The following RNF8 variants were observed in gnomAD, a reference collection of about 807,000 sequenced individuals.
The protein encoded by RNF8 is E3 ubiquitin-protein ligase RNF8.
In RNF8, 8 loss-of-function variants were observed where a neutral mutation model predicts 59.3. The ratio of observed to expected loss-of-function variants is 0.13; its 90% CI spans 0.08 to 0.24. The LOEUF is 0.24. RNF8 is among the 10% of genes least tolerant of loss of function. The probability of loss-of-function intolerance (pLI) is 1.00; values close to 1 mark genes in which losing one functional copy is unlikely to be tolerated. For missense variants in RNF8, 406 were observed against 572.6 expected, an observed-to-expected ratio of 0.71 and a Z score of 2.97; for synonymous variants, 162 against 200.0, an observed-to-expected ratio of 0.81 and a Z score of 1.60.
rs1173808186 is a variant in RNF8 at position 37,368,594 on chromosome 6, T to G, written c.351T>G (p.Asn117Lys). 6.2e-7 allele frequency: 1 copy of G among 1,614,056 alleles called. No individual in the cohort carries two copies. Among genetic ancestry groups the G allele is most frequent in the Non-Finnish European group, 8.5e-7 (1 of 1,180,004 alleles). Residue 117 changes from asparagine (N) to lysine (K), a missense_variant, in exon 3 of 8, where the codon AAT becomes AAG. Coordinates refer to ENST00000373479, the MANE Select transcript of RNF8 (RefSeq NM_003958.4). ...QLGVPLENKE[N>K]AEYEYEVTEE... ...GAGTGCCTCTGGAAAATAAGGAGAA[T>G]GCGGAGTATGAATATGAAGTTACTG...
intron 3 of RNF8, among the ~76,000 whole-genome samples, chr6:37,370,701 C>CTT (rs5875582): frequency 0.016 from 2,331 of 142,236 alleles, 64 homozygotes; most frequent in African/African-American, 0.055. Flanking sequence ...CTCCTTCACA[C>CTT]TTTTTTTTTT....
intron 3 of RNF8, among the ~76,000 whole-genome samples, chr6:37,369,495 G>A (rs957075278): frequency 6.6e-6 from 1 of 152,238 alleles, no homozygotes; most frequent in Non-Finnish European, 1.5e-5. Context: ...CATCCCAGGA[G>A]GCAAAGCTGA....
rs934373051 is a variant in RNF8 at position 37,392,447 on chromosome 6, A to C, written c.*1689A>C. On this transcript the variant is annotated 3_prime_UTR_variant, in exon 8 of 8. Transcript: ENST00000373479. ...GAAATGCCTCTCACCCTTTCCCCAC[A>C]GCGACTACTTCCCACTCAGAGGCAA... is the stretch of plus-strand genomic sequence containing the variant. 7 of 398,624 alleles carry C rather than the reference A, an allele frequency of 1.8e-5. No homozygotes were observed. The highest frequency in any genetic ancestry group is 3.1e-5 in the Non-Finnish European group (7 of 226,060). 24.7% of individuals were successfully genotyped at this position (398,624 alleles called of 1,614,324 possible).
At position 37,354,006 on chromosome 6, in the gene RNF8, AGGGC is replaced by A. The variant is rs1769009298; in HGVS notation, c.-153_-150del. ...GCGTAGTGCTCCTGCTTCCTGGCCG[AGGGC>A]GGGCGAGCGGAGCCTGCTTTCGCAG... On this transcript the variant is annotated 5_prime_UTR_variant, in exon 1 of 8. Coordinates refer to ENST00000373479, the MANE Select transcript of RNF8 (RefSeq NM_003958.4). 3 of 675,834 alleles carry A rather than the reference AGGGC, an allele frequency of 4.4e-6. No homozygotes were observed. In the East Asian group the frequency reaches 8.6e-5, roughly 19 times the overall value. The allele number at this position is 675,834 out of a possible 1,614,324, so 41.9% of individuals were successfully genotyped here.
chr6:37,389,327 T>C (rs1581702757), intron 7 of RNF8, among the ~76,000 whole-genome samples: 1 of 151,448 alleles, frequency 6.6e-6, no homozygotes, highest in South Asian at 2.1e-4. Flanking sequence ...TTGTGGGGGA[T>C]GGTGGAGTCA....
At chr6:37,378,207 T>G (rs1004987612) in intron 6 of RNF8, among the ~76,000 whole-genome samples, 1 of 151,886 alleles carries the variant, frequency 6.6e-6, no homozygotes. Flanking sequence ...GGCAGGAGAA[T>G]CACTTCAATT....
chr6:37,354,097 C>T lies in RNF8; in HGVS notation c.-68C>T. On this transcript the variant is annotated 5_prime_UTR_variant, in exon 1 of 8. Coordinates refer to ENST00000373479, the MANE Select transcript of RNF8 (RefSeq NM_003958.4). The stretch of plus-strand genomic sequence containing the variant: ...TTTAGATATGGAAGCTGAGGGGATG[C>T]ACAGAGGCAGCCAGAACCTAGGTCA... 1 of 1,289,038 alleles carries T rather than the reference C, an allele frequency of 7.8e-7. No individual in the cohort carries two copies. The highest frequency in any genetic ancestry group is 2.0e-4 in the Middle Eastern group (1 of 5,036). 79.9% of individuals were successfully genotyped at this position (1,289,038 alleles called of 1,614,324 possible).
At chr6:37,363,457 A>G (rs1769408255) in intron 2 of RNF8, among the ~76,000 whole-genome samples, 1 of 152,232 alleles carries the variant, frequency 6.6e-6, no homozygotes, top group Non-Finnish European at 1.5e-5. Context: ...GATATGCCCT[A>G]TTTAAAAATG....
rs778562882 is a variant in RNF8 at position 37,360,625 on chromosome 6, T to C, written c.240+51T>C. 4.5e-4 allele frequency: 457 copies of C among 1,011,716 alleles called. 2 individuals are homozygous for C. In the African/African-American group the frequency reaches 0.018, roughly 40 times the overall value. The allele number at this position is 1,011,716 out of a possible 1,614,324, so 62.7% of individuals were successfully genotyped here. A position where few individuals can be genotyped will look rare whatever the true frequency, so the allele number is the denominator to read the frequency against. On this transcript the variant is annotated intron_variant, in intron 2 of 7. Coordinates refer to ENST00000373479, the MANE Select transcript of RNF8 (RefSeq NM_003958.4). This position sits in a 1 kb window ranked among gnomAD's most constrained non-coding sequence, Gnocchi z 4.2. Reference sequence around the variant, plus strand: ...GACTTTTATTTGTTTTTAAATTACTTTTTTTTTTTTTTGCATAGGTAATTC... The same window carrying C: ...GACTTTTATTTGTTTTTAAATTACTCTTTTTTTTTTTTGCATAGGTAATTC...
intron 2 of RNF8, among the ~76,000 whole-genome samples, chr6:37,364,279 A>G (rs548441980): frequency 6.7e-6 from 1 of 148,210 alleles, no homozygotes; most frequent in Non-Finnish European, 1.5e-5. Flanking sequence ...GGCAAAATTT[A>G]CATGTGCTGT....
In RNF8 at chr6:37,392,591, C is replaced by CT; in HGVS notation, c.*1839dup. 1 of 398,540 alleles carries CT rather than the reference C, an allele frequency of 2.5e-6. No homozygotes were observed. The allele number at this position is 398,540 out of a possible 1,614,324, so 24.7% of individuals were successfully genotyped here. A position where few individuals can be genotyped will look rare whatever the true frequency, so the allele number is the denominator to read the frequency against. On this transcript the variant is annotated 3_prime_UTR_variant, in exon 8 of 8. Coordinates refer to ENST00000373479, the MANE Select transcript of RNF8 (RefSeq NM_003958.4). ...AAACTGTACGCTATTCTGAACCTTGCTTTTTTCAGATATATGTTGGCAACA... is the reference window on the plus strand; with the variant it reads ...AAACTGTACGCTATTCTGAACCTTGCTTTTTTTCAGATATATGTTGGCAACA...
At chr6:37,376,394 TA>T (rs1234900341) in intron 5 of RNF8, among the ~76,000 whole-genome samples, 1 of 152,176 alleles carries the variant, frequency 6.6e-6, no homozygotes, top group Non-Finnish European at 1.5e-5. Flanking sequence ...CTGCGTAGCT[TA>T]AAAACAACAG....
chr6:37,354,413 T>C, intron 1 of RNF8, 138 bp downstream of exon 1: 1 of 503,228 alleles, frequency 2.0e-6, no homozygotes, highest in South Asian at 2.6e-5. Context: ...GAAGTGTCTG[T>C]GGGGGGGGTG....
intron 1 of RNF8, among the ~76,000 whole-genome samples, chr6:37,357,211 A>G (rs1034694799): frequency 1.3e-5 from 2 of 152,240 alleles, no homozygotes; most frequent in African/African-American, 4.8e-5. Context: ...GTCGTCAGTC[A>G]GTTCCCACGG....
intron 7 of RNF8, among the ~76,000 whole-genome samples, chr6:37,384,599 C>T (rs1308218052): frequency 1.3e-5 from 2 of 152,190 alleles, no homozygotes; most frequent in Non-Finnish European, 2.9e-5. Context: ...GGATCCAGGT[C>T]AGACCACATG....
At chr6:37,365,175 T>C (rs932443756) in intron 2 of RNF8, among the ~76,000 whole-genome samples, 2 of 152,086 alleles carry the variant, frequency 1.3e-5, no homozygotes, top group Non-Finnish European at 2.9e-5. Context: ...AGCAATAAAA[T>C]ATAACAAACT....
chr6:37,354,414 G>C (rs558238964), intron 1 of RNF8, 139 bp downstream of exon 1: 268 of 667,702 alleles, frequency 4.0e-4, no homozygotes, highest in African/African-American at 2.5e-3. Context: ...AAGTGTCTGT[G>C]GGGGGGGTGG....
At chr6:37,365,720 C>A (rs1769525488) in intron 2 of RNF8, among the ~76,000 whole-genome samples, 1 of 152,032 alleles carries the variant, frequency 6.6e-6, no homozygotes, top group Non-Finnish European at 1.5e-5. Flanking sequence ...ATCAGGCAGA[C>A]TTTTCTGGGT....
In RNF8 at chr6:37,360,603, T is replaced by G; in HGVS notation, c.240+29T>G. The G allele has an allele frequency of 6.4e-7, 1 of 1,567,692 alleles. No homozygotes were observed. The highest frequency in any genetic ancestry group is 8.6e-7 in the Non-Finnish European group (1 of 1,160,052). Reference sequence around the variant, plus strand: ...CAGGAATTCACAGAAGCCTAATGACTTTTATTTGTTTTTAAATTACTTTTT... The same window carrying G: ...CAGGAATTCACAGAAGCCTAATGACGTTTATTTGTTTTTAAATTACTTTTT... On this transcript the variant is annotated intron_variant, in intron 2 of 7. Transcript: ENST00000373479. The surrounding 1 kb of genome is among the most constrained non-coding windows in gnomAD (Gnocchi z 4.2).
Sources: allele counts gnomAD v4.1 joint callset (sites outside exome capture counted in the v4.1 genomes callset), GRCh38; gene constraint gnomAD v4.1.1; non-coding constraint Gnocchi (gnomAD v3.1); transcripts MANE v1.5; gene names NCBI Gene and HGNC (gene_info 2026-07-23, HGNC 2026-07-21).